Variants in CSMD1 observed in about 807,000 individuals in gnomAD.
CSMD1 encodes the protein CUB and sushi domain-containing protein 1.
A neutral mutation model predicts 417.5 loss-of-function variants in CSMD1; 213 were observed. The observed-to-expected ratio is 0.51, with a 90% confidence interval of 0.46 to 0.57. The LOEUF (loss-of-function observed/expected upper bound fraction) is 0.57. Among genes scored for constraint, CSMD1 ranks in the 20% least tolerant of loss-of-function variants. The pLI is 0.00. For synonymous variants in CSMD1, 2,862 were observed against 1,736.8 expected (o/e 1.65, Z -16.11); for missense variants, 6,923 against 4,529.7 (o/e 1.53, Z -15.17).
intron 3 of CSMD1, among the ~76,000 whole-genome samples, chr8:4,047,804 C>T (rs73658544): frequency 0.025 from 3,793 of 151,744 alleles, 171 homozygotes; most frequent in African/African-American, 0.086. Context: ...ATTAGGTAGT[C>T]AGGAAACACC....
intron 3 of CSMD1, among the ~76,000 whole-genome samples, chr8:4,092,614 GAGA>G (rs1352905333): frequency 3.9e-5 from 6 of 152,154 alleles, no homozygotes; most frequent in African/African-American, 1.2e-4. Flanking sequence ...AAGCAATTAT[GAGA>G]AGAATGACGT....
At chr8:3,446,911 G>C (rs1815341720) in intron 12 of CSMD1, among the ~76,000 whole-genome samples, 1 of 152,150 alleles carries the variant, frequency 6.6e-6, no homozygotes, top group East Asian at 1.9e-4. Flanking sequence ...AGCACTAATT[G>C]AGTTGGGGGA....
chr8:3,986,365 C>A (rs897828195), intron 5 of CSMD1, among the ~76,000 whole-genome samples: 4 of 152,106 alleles, frequency 2.6e-5, no homozygotes, highest in Non-Finnish European at 5.9e-5. Context: ...CACTGAGACA[C>A]CCCCAGCCAA....
At chr8:4,328,852 A>G (rs1799704938) in intron 3 of CSMD1, among the ~76,000 whole-genome samples, 1 of 152,228 alleles carries the variant, frequency 6.6e-6, no homozygotes, top group Admixed American at 6.5e-5. Flanking sequence ...TCTTGCTAGA[A>G]TAATTATAAC....
intron 2 of CSMD1, among the ~76,000 whole-genome samples, chr8:4,591,912 G>A (rs992796001): frequency 3.3e-5 from 5 of 152,112 alleles, no homozygotes; most frequent in Non-Finnish European, 4.4e-5. Context: ...GACATTCTGA[G>A]GGACTTCAGG....
chr8:3,073,794 C>CA (rs5888941), intron 49 of CSMD1, among the ~76,000 whole-genome samples: 32 of 145,994 alleles, frequency 2.2e-4, no homozygotes, highest in South Asian at 4.4e-4. Context: ...AAAAAATTAC[C>CA]AAAAAAAAAA....
At chr8:3,032,727 C>A (rs1011136408) in intron 50 of CSMD1, among the ~76,000 whole-genome samples, 5 of 151,928 alleles carry the variant, frequency 3.3e-5, no homozygotes, top group African/African-American at 1.2e-4. Flanking sequence ...CTACACTCAA[C>A]CCCCCCAACT....
At chr8:4,936,922 T>G (rs1417027271) in intron 1 of CSMD1, among the ~76,000 whole-genome samples, 2 of 152,280 alleles carry the variant, frequency 1.3e-5, no homozygotes, top group African/African-American at 4.8e-5. Context: ...TTAAATGTTA[T>G]TTTTGTTGTC....
At chr8:3,284,104 T>TTG in intron 26 of CSMD1, 40 bp downstream of exon 26, 5 of 1,446,790 alleles carry the variant, frequency 3.5e-6, no homozygotes, top group Non-Finnish European at 4.8e-6. Context: ...TGACAAGACT[T>TTG]TGATATCAAG....
chr8:4,413,975 A>G (rs1350853966), intron 3 of CSMD1, among the ~76,000 whole-genome samples: 3 of 152,166 alleles, frequency 2.0e-5, no homozygotes, highest in Admixed American at 2.0e-4. Flanking sequence ...TAAATCTACA[A>G]CAATGTTACA....
At chr8:3,609,396 T>C (rs1054358720) in intron 8 of CSMD1, among the ~76,000 whole-genome samples, 1 of 152,226 alleles carries the variant, frequency 6.6e-6, no homozygotes, top group Non-Finnish European at 1.5e-5. Context: ...TGGTCTATGG[T>C]GAAAAATACT....
At chr8:4,276,546 C>G (rs1563375080) in intron 3 of CSMD1, among the ~76,000 whole-genome samples, 1 of 152,108 alleles carries the variant, frequency 6.6e-6, no homozygotes, top group African/African-American at 2.4e-5. Context: ...AACTACGTAA[C>G]AAACCTGCAC....
chr8:4,209,611 G>T (rs771964468), intron 3 of CSMD1, among the ~76,000 whole-genome samples: 2 of 152,110 alleles, frequency 1.3e-5, no homozygotes, highest in Non-Finnish European at 2.9e-5. Flanking sequence ...CGTGATGCAG[G>T]AAAGACAAGC....
chr8:4,855,115 C>T (rs1024808370), intron 1 of CSMD1, among the ~76,000 whole-genome samples: 18 of 151,946 alleles, frequency 1.2e-4, no homozygotes, highest in South Asian at 2.1e-4. Context: ...CCCTGACCCC[C>T]GAGCAGCCTA....
At chr8:3,268,239 G>C (rs1269808355) in intron 26 of CSMD1, among the ~76,000 whole-genome samples, 1 of 138,338 alleles carries the variant, frequency 7.2e-6, no homozygotes, top group Non-Finnish European at 1.6e-5. Flanking sequence ...CACACAATGA[G>C]GCCAGGGCGA....
chr8:3,350,626 GTCT>G (rs1286965750), intron 21 of CSMD1, among the ~76,000 whole-genome samples: 22 of 152,240 alleles, frequency 1.4e-4, no homozygotes, highest in African/African-American at 5.1e-4. Flanking sequence ...AGAAAAAAGT[GTCT>G]TCTTAAGGAC....
At chr8:3,605,474 C>T (rs981248900) in intron 8 of CSMD1, among the ~76,000 whole-genome samples, 4 of 152,118 alleles carry the variant, frequency 2.6e-5, no homozygotes, top group Admixed American at 2.0e-4. Context: ...ATAAAATTAT[C>T]AATACGCTAC....
chr8:3,245,412 C>G (rs1373030640), intron 26 of CSMD1, among the ~76,000 whole-genome samples: 1 of 152,200 alleles, frequency 6.6e-6, no homozygotes, highest in Non-Finnish European at 1.5e-5. Context: ...CCCTCTCTTT[C>G]TTAGAGCATT....
intron 10 of CSMD1, among the ~76,000 whole-genome samples, chr8:3,505,784 A>G (rs1796798894): frequency 6.6e-6 from 1 of 152,216 alleles, no homozygotes; most frequent in South Asian, 2.1e-4. Flanking sequence ...GTGAGAAGGA[A>G]GAGAAAATAT....
Sources: gnomAD v4.1 joint callset for allele counts (sites outside exome capture counted in the v4.1 genomes callset) on GRCh38, gnomAD v4.1.1 for gene constraint, MANE v1.5 for transcripts, NCBI Gene and HGNC (gene_info 2026-07-23, HGNC 2026-07-21) for gene names.